ERC1: variants seen among roughly 807,000 people sequenced by gnomAD.
The protein encoded by ERC1 is ELKS/RAB6-interacting/CAST family member 1.
A neutral mutation model predicts 132.0 loss-of-function variants in ERC1; 56 were observed. That is an observed-to-expected ratio of 0.42 (90% CI 0.34 to 0.53). The LOEUF is 0.53. Ranked by LOEUF, ERC1 falls within the 20% of genes least tolerant of loss-of-function variation. ERC1 has a pLI of 0.03. For synonymous variants in ERC1, 478 were observed against 476.1 expected (o/e 1.00, Z -0.05); for missense variants, 1,202 against 1,349.9 (o/e 0.89, Z 1.72).
intron 12 of ERC1, among the ~76,000 whole-genome samples, chr12:1,208,866 A>G (rs2154289324): frequency 6.6e-6 from 1 of 150,418 alleles, no homozygotes; most frequent in East Asian, 2.0e-4. Flanking sequence ...CACTGCTTTC[A>G]AGCAACCTCC....
rs191625288 is a variant in ERC1, at chr12:1,325,049, C to T, written c.2780+35037C>T. 2.2e-4 allele frequency among the ~76,000 whole-genome samples: 34 copies of T among 151,990 alleles called. No individual in the cohort carries two copies. In the East Asian group the frequency reaches 5.6e-3, roughly 25 times the overall value. The stretch of plus-strand genomic sequence containing the variant: ...GTCTCTGAACTTTAAAAATAATCAA[C>T]TGTTTGTAGAAAAAAAATGAATTAT... On this transcript the variant is annotated intron_variant, in intron 15 of 18. Transcript: ENST00000360905.
At chr12:1,125,569 A>G (rs1238361583) in intron 7 of ERC1, among the ~76,000 whole-genome samples, 1 of 152,048 alleles carries the variant, frequency 6.6e-6, no homozygotes, top group Non-Finnish European at 1.5e-5. Flanking sequence ...TAATCCCAGC[A>G]CTTTGGGAGG....
intron 8 of ERC1, among the ~76,000 whole-genome samples, chr12:1,157,756 G>T (rs928160590): frequency 6.6e-6 from 1 of 152,150 alleles, no homozygotes; most frequent in Non-Finnish European, 1.5e-5. Flanking sequence ...AAGAGGAGAG[G>T]ATGATCAGAT....
intron 13 of ERC1, among the ~76,000 whole-genome samples, chr12:1,242,869 T>C (rs530099346): frequency 7.0e-4 from 107 of 152,266 alleles, no homozygotes; most frequent in African/African-American, 2.5e-3. Flanking sequence ...GCTATTTACA[T>C]AGTGTTTACA....
intron 17 of ERC1, among the ~76,000 whole-genome samples, chr12:1,440,241 G>A (rs1185367557): frequency 1.0e-4 from 12 of 114,726 alleles, no homozygotes; most frequent in Non-Finnish European, 1.5e-4. Flanking sequence ...GTCTTGCTCT[G>A]TCGCCCAGGC....
rs77970129 is a variant in ERC1, at chr12:1,123,293, G to A, written c.1569+7260G>A. Among the ~76,000 whole-genome samples, 15 of 152,208 alleles carry A rather than the reference G, an allele frequency of 9.9e-5. No individual in the cohort carries two copies. In the East Asian group the frequency reaches 2.9e-3, roughly 29 times the overall value. ...AGTAAAACCCAGTTTACCCAGTGGA[G>A]AATAGAGAAGAATGGGGAGGGGAGA... On this transcript the variant is annotated intron_variant, in intron 7 of 18. Coordinates refer to ENST00000360905, the MANE Select transcript of ERC1 (RefSeq NM_178040.4).
intron 14 of ERC1, among the ~76,000 whole-genome samples, chr12:1,274,431 T>TTA (rs1292140510): frequency 6.6e-6 from 1 of 152,120 alleles, no homozygotes; most frequent in Non-Finnish European, 1.5e-5. Flanking sequence ...GGGACCTTAT[T>TTA]TAGAGTGAAT....
intron 12 of ERC1, among the ~76,000 whole-genome samples, chr12:1,193,174 C>T (rs1955898102): frequency 6.6e-6 from 1 of 152,074 alleles, no homozygotes; most frequent in Non-Finnish European, 1.5e-5. Flanking sequence ...TCTTTGTGAT[C>T]TAAAGAAATA....
intron 15 of ERC1, among the ~76,000 whole-genome samples, chr12:1,330,426 CCTT>C (rs2082776796): frequency 6.6e-6 from 1 of 151,876 alleles, no homozygotes; most frequent in Non-Finnish European, 1.5e-5. Flanking sequence ...TTCCCTCACT[CCTT>C]CTCCCAGTTT....
chr12:1,095,856 C>T (rs1006455885), intron 3 of ERC1, among the ~76,000 whole-genome samples: 4 of 151,678 alleles, frequency 2.6e-5, no homozygotes, highest in East Asian at 1.9e-4. Context: ...GGTTTTAAAA[C>T]GTCTTTGTAG....
intron 2 of ERC1, among the ~76,000 whole-genome samples, chr12:1,071,405 A>G (rs1386661048): frequency 2.0e-5 from 3 of 152,120 alleles, no homozygotes; most frequent in Non-Finnish European, 4.4e-5. Flanking sequence ...GCATTTCCCC[A>G]GTTACTAAAG....
intron 7 of ERC1, among the ~76,000 whole-genome samples, chr12:1,117,546 C>T (rs1195283511): frequency 6.6e-6 from 1 of 152,186 alleles, no homozygotes; most frequent in African/African-American, 2.4e-5. Context: ...TGAGTTTGGA[C>T]TTCCATCTTT....
At chr12:1,211,986 T>C (rs1957924533) in intron 12 of ERC1, among the ~76,000 whole-genome samples, 1 of 131,510 alleles carries the variant, frequency 7.6e-6, no homozygotes, top group Non-Finnish European at 1.6e-5. Flanking sequence ...ATTATTAGTT[T>C]ATTGATGCAA....
At chr12:1,278,463 A>T (rs1250305929) in intron 14 of ERC1, among the ~76,000 whole-genome samples, 1 of 152,116 alleles carries the variant, frequency 6.6e-6, no homozygotes, top group African/African-American at 2.4e-5. Flanking sequence ...TTGAAATTTC[A>T]TAGTATTGTT....
intron 8 of ERC1, among the ~76,000 whole-genome samples, chr12:1,172,870 A>G (rs1377393208): frequency 1.3e-5 from 2 of 152,200 alleles, no homozygotes; most frequent in Non-Finnish European, 2.9e-5. Context: ...AGCTTCCTTT[A>G]ACCTTGAAAG....
intron 14 of ERC1, among the ~76,000 whole-genome samples, chr12:1,276,032 A>G (rs916735716): frequency 6.6e-6 from 1 of 152,202 alleles, no homozygotes; most frequent in Non-Finnish European, 1.5e-5. Flanking sequence ...GGTCGAAAAC[A>G]AGTGCCAGTT....
chr12:1,094,312 C>A (rs890789449), intron 3 of ERC1, among the ~76,000 whole-genome samples: 1 of 151,420 alleles, frequency 6.6e-6, no homozygotes, highest in Non-Finnish European at 1.5e-5. Flanking sequence ...AGCCACCACA[C>A]CCGGCCAAAA....
intron 13 of ERC1, among the ~76,000 whole-genome samples, chr12:1,253,698 A>G (rs374198160): frequency 7.1e-4 from 108 of 152,150 alleles, no homozygotes; most frequent in African/African-American, 2.4e-3. Context: ...AAGGCAGTGG[A>G]GGGTAGAGTC....
intron 18 of ERC1, among the ~76,000 whole-genome samples, chr12:1,454,883 G>A (rs1269062940): frequency 6.6e-6 from 1 of 152,088 alleles, no homozygotes; most frequent in Non-Finnish European, 1.5e-5. Flanking sequence ...CTGAACTCAG[G>A]CCCTCTAGTC....
Sources: gnomAD v4.1 joint callset for allele counts (sites outside exome capture counted in the v4.1 genomes callset) on GRCh38, gnomAD v4.1.1 for gene constraint, MANE v1.5 for transcripts, NCBI Gene and HGNC (gene_info 2026-07-23, HGNC 2026-07-21) for gene names.